IL1RAPL2: variants seen among roughly 807,000 people sequenced by gnomAD.
The protein encoded by IL1RAPL2 is interleukin 1 receptor accessory protein like 2.
In IL1RAPL2, 3 loss-of-function variants were observed where a neutral mutation model predicts 44.1. The ratio of observed to expected loss-of-function variants is 0.07; its 90% confidence interval spans 0.03 to 0.18. IL1RAPL2 has a LOEUF of 0.18. Among genes scored for constraint, IL1RAPL2 ranks in the 10% least tolerant of loss-of-function variants. The pLI is 1.00. For missense variants in IL1RAPL2, 391 were observed against 496.4 expected, an observed-to-expected ratio of 0.79 and a Z score of 2.02; for synonymous variants, 181 against 178.8, an observed-to-expected ratio of 1.01 and a Z score of -0.10.
intron 5 of IL1RAPL2, among the ~76,000 whole-genome samples, chrX:105,287,646 A>G (rs1056811620): frequency 1.5e-4 from 17 of 111,376 alleles, no homozygotes; most frequent in African/African-American, 5.5e-4. Flanking sequence ...GACTATAGAG[A>G]AAAGTAGATG....
chrX:105,274,269 G>A (rs181494958), intron 5 of IL1RAPL2, among the ~76,000 whole-genome samples: 4 of 111,931 alleles, frequency 3.6e-5, no homozygotes, highest in Admixed American at 9.5e-5. Flanking sequence ...GCCAATAATT[G>A]AATCTGCATG....
chrX:105,492,325 T>C (rs1033946768), intron 6 of IL1RAPL2, among the ~76,000 whole-genome samples: 1 of 110,708 alleles, frequency 9.0e-6, no homozygotes, highest in African/African-American at 3.3e-5. Context: ...AGTTTTTTCT[T>C]TTTATTATAG....
At chrX:105,135,448 T>A (rs2033068110) in intron 2 of IL1RAPL2, among the ~76,000 whole-genome samples, 1 of 112,168 alleles carries the variant, frequency 8.9e-6, no homozygotes, top group Non-Finnish European at 1.9e-5. Flanking sequence ...TTCAAGCATT[T>A]CATTATCCAT....
chrX:104,753,005 A>C (rs778525277), intron 2 of IL1RAPL2, among the ~76,000 whole-genome samples: 32 of 110,419 alleles, frequency 2.9e-4, no homozygotes, highest in Non-Finnish European at 5.1e-4. Flanking sequence ...TAGCCTAGAT[A>C]CATTCATCCT....
chrX:105,268,335 CA>C (rs2034420056), intron 5 of IL1RAPL2, among the ~76,000 whole-genome samples: 1 of 110,933 alleles, frequency 9.0e-6, no homozygotes, highest in Non-Finnish European at 1.9e-5. Context: ...GAATGTGTTG[CA>C]AAAGAGAGTA....
chrX:105,097,355 C>A (rs1401427062), intron 2 of IL1RAPL2, among the ~76,000 whole-genome samples: 65 of 75,736 alleles, frequency 8.6e-4, no homozygotes, highest in African/African-American at 2.8e-3. Context: ...AAAAAAAAAA[C>A]ATGCCAGGGC....
At chrX:105,135,006 C>T (rs375187410) in intron 2 of IL1RAPL2, among the ~76,000 whole-genome samples, 2 of 102,585 alleles carry the variant, frequency 1.9e-5, no homozygotes, top group African/African-American at 7.4e-5. Flanking sequence ...CAAAGGAGTG[C>T]TACTTTGGAA....
Position 105,650,367 on chromosome X carries a change from G to A in IL1RAPL2, c.773-67000G>A, listed in dbSNP as rs1055676810. On this transcript the variant is annotated intron_variant, in intron 6 of 10. Coordinates refer to ENST00000372582, the MANE Select transcript of IL1RAPL2 (RefSeq NM_017416.2). ...GATGGCACTTTCACAGCGTGGTTGA[G>A]TTCCAGCTATTACTCTACTAGGGAA... is the stretch of plus-strand genomic sequence containing the variant. 4.5e-5 allele frequency among the ~76,000 whole-genome samples: 5 copies of A among 111,885 alleles called. No homozygotes were observed. The South Asian group carries it at 1.9e-3, about 42-fold the overall frequency.
At chrX:104,770,978 T>A (rs1444878145) in intron 2 of IL1RAPL2, among the ~76,000 whole-genome samples, 2 of 111,686 alleles carry the variant, frequency 1.8e-5, no homozygotes, top group Non-Finnish European at 3.8e-5. Flanking sequence ...AATGCCCAGA[T>A]AACTCATTCA....
At chrX:105,020,561 G>T (rs1476146449) in intron 2 of IL1RAPL2, among the ~76,000 whole-genome samples, 2 of 111,701 alleles carry the variant, frequency 1.8e-5, no homozygotes, top group South Asian at 7.4e-4. Flanking sequence ...ACTACATAAG[G>T]CTATGAAAAT....
chrX:105,762,943 G>T (rs1455497453), intron 10 of IL1RAPL2, among the ~76,000 whole-genome samples: 2 of 110,072 alleles, frequency 1.8e-5, no homozygotes, highest in Admixed American at 9.7e-5. Flanking sequence ...GTTTTCTGAA[G>T]GTTTCTAAAA....
intron 7 of IL1RAPL2, among the ~76,000 whole-genome samples, chrX:105,728,426 C>G (rs1452573602): frequency 2.7e-5 from 3 of 111,676 alleles, no homozygotes; most frequent in Non-Finnish European, 5.7e-5. Flanking sequence ...CAGCACCATG[C>G]TAGTTGCTAG....
At position 104,657,897 on chromosome X, in the gene IL1RAPL2, C is replaced by T. The variant is rs771011498; in HGVS notation, c.-19-998C>T. Among the ~76,000 whole-genome samples the T allele has an allele frequency of 2.7e-5, 3 of 112,141 alleles. No homozygotes were observed. The Admixed American group carries it at 2.8e-4, about 11-fold the overall frequency. On this transcript the variant is annotated intron_variant, in intron 1 of 10. Coordinates refer to ENST00000372582, the MANE Select transcript of IL1RAPL2 (RefSeq NM_017416.2). ...ATCATCACTGGTCATCAGAGAAATG[C>T]AAATCAAAACCACAATGAGATACCA...
intron 2 of IL1RAPL2, among the ~76,000 whole-genome samples, chrX:105,168,860 C>T (rs1177083410): frequency 3.6e-5 from 4 of 110,397 alleles, no homozygotes; most frequent in Non-Finnish European, 7.6e-5. Flanking sequence ...CCAGACACAC[C>T]CTCATAGACA....
intron 6 of IL1RAPL2, among the ~76,000 whole-genome samples, chrX:105,680,241 C>T (rs1037028751): frequency 9.9e-5 from 11 of 111,552 alleles, no homozygotes; most frequent in Non-Finnish European, 1.7e-4. Context: ...CCTTGTGGTC[C>T]GCCCGCCTCG....
chrX:105,044,827 G>A (rs2031815940), intron 2 of IL1RAPL2, among the ~76,000 whole-genome samples: 1 of 111,139 alleles, frequency 9.0e-6, no homozygotes, highest in African/African-American at 3.3e-5. Context: ...GGAACAGTAG[G>A]CCCAGCTGAG....
intron 2 of IL1RAPL2, among the ~76,000 whole-genome samples, chrX:105,101,870 G>GT: frequency 8.9e-6 from 1 of 111,875 alleles, no homozygotes; most frequent in East Asian, 2.8e-4. Flanking sequence ...CTAGAAAAGG[G>GT]TGGTTTCAAA....
intron 7 of IL1RAPL2, among the ~76,000 whole-genome samples, chrX:105,738,902 G>A (rs2038472407): frequency 9.0e-6 from 1 of 110,626 alleles, no homozygotes; most frequent in African/African-American, 3.3e-5. Context: ...GAAAGCAGAG[G>A]GACAGATGGG....
chrX:104,983,613 T>C (rs2030501909), intron 2 of IL1RAPL2, among the ~76,000 whole-genome samples: 1 of 38,274 alleles, frequency 2.6e-5, no homozygotes, highest in South Asian at 7.3e-4. Flanking sequence ...TAATATATAA[T>C]ATTATATTAT....
Sources: gnomAD v4.1 joint callset for allele counts (sites outside exome capture counted in the v4.1 genomes callset) on GRCh38, gnomAD v4.1.1 for gene constraint, MANE v1.5 for transcripts, NCBI Gene and HGNC (gene_info 2026-07-23, HGNC 2026-07-21) for gene names.